USP28: variants seen among roughly 807,000 people sequenced by gnomAD.
The protein encoded by USP28 is ubiquitin specific peptidase 28.
In USP28, 113 loss-of-function variants were observed where a neutral mutation model predicts 145.0. The ratio of observed to expected loss-of-function variants is 0.78; its 90% CI spans 0.67 to 0.91. USP28 has a LOEUF of 0.91. Among genes scored for constraint, USP28 ranks in the 40% least tolerant of loss-of-function variants. The probability of loss-of-function intolerance (pLI) is 0.00; values close to 1 mark genes in which losing one functional copy is unlikely to be tolerated. For missense variants in USP28, 1,201 were observed against 1,289.6 expected, an observed-to-expected ratio of 0.93 and a Z score of 1.05; for synonymous variants, 447 against 450.9, an observed-to-expected ratio of 0.99 and a Z score of 0.11.
intron 3 of USP28, among the ~76,000 whole-genome samples, chr11:113,842,399 C>T (rs1449931156): frequency 6.6e-6 from 1 of 151,826 alleles, no homozygotes; most frequent in East Asian, 1.9e-4. Flanking sequence ...TCCTGGCTAA[C>T]ACGGTGAAAC....
intron 10 of USP28, 73 bp from the exon 11 acceptor site, chr11:113,827,433 A>G: frequency 6.9e-7 from 1 of 1,449,684 alleles, no homozygotes; most frequent in Middle Eastern, 2.3e-4. Flanking sequence ...GATTTAAAAT[A>G]TCTCTCATTA....
chr11:113,804,953 A>G (rs1394358563), exon 20 of USP28: 1 of 1,614,190 alleles, frequency 6.2e-7, no homozygotes, highest in African/African-American at 1.3e-5. Flanking sequence ...TTTTGGAAAA[A>G]GTAGACAAGG....
At chr11:113,824,926 C>G (rs1357012684) in intron 11 of USP28, among the ~76,000 whole-genome samples, 1 of 107,274 alleles carries the variant, frequency 9.3e-6, no homozygotes, top group African/African-American at 3.1e-5. Context: ...AGCGAAACTC[C>G]GTCTTAAAAA....
chr11:113,868,425 T>C (rs1948503430), intron 1 of USP28, among the ~76,000 whole-genome samples: 1 of 152,172 alleles, frequency 6.6e-6, no homozygotes, highest in African/African-American at 2.4e-5. Context: ...ATTAAAATTA[T>C]TAAAGTGCTA....
At chr11:113,873,797 T>C (rs2137284382) in intron 1 of USP28, among the ~76,000 whole-genome samples, 1 of 152,322 alleles carries the variant, frequency 6.6e-6, no homozygotes, top group East Asian at 1.9e-4. Flanking sequence ...TGCATGATAC[T>C]TTCGTTTCGG....
intron 15 of USP28, 117 bp downstream of exon 15, chr11:113,813,762 CTTAAGT>C (rs902211049): frequency 6.6e-5 from 51 of 767,778 alleles, no homozygotes; most frequent in Admixed American, 2.4e-4. Flanking sequence ...CAATTTATAT[CTTAAGT>C]TTATTCTTTT....
At chr11:113,837,942 C>A (rs1037500657) in intron 5 of USP28, among the ~76,000 whole-genome samples, 2 of 152,106 alleles carry the variant, frequency 1.3e-5, no homozygotes, top group African/African-American at 2.4e-5. Flanking sequence ...CCTTTAAAAT[C>A]TGACTCTGTC....
intron 9 of USP28, among the ~76,000 whole-genome samples, chr11:113,830,542 GA>G (rs1943866865): frequency 6.6e-6 from 1 of 152,160 alleles, no homozygotes; most frequent in African/African-American, 2.4e-5. Context: ...AAAACCTTTT[GA>G]GATTAAGTAT....
intron 3 of USP28, among the ~76,000 whole-genome samples, chr11:113,849,083 C>T (rs1194456038): frequency 6.6e-6 from 1 of 152,214 alleles, no homozygotes; most frequent in Non-Finnish European, 1.5e-5. Context: ...AGAAACACTT[C>T]AGTGAGGATG....
chr11:113,825,901 TTGACTG>T (rs1195174320), intron 11 of USP28, among the ~76,000 whole-genome samples: 2 of 152,220 alleles, frequency 1.3e-5, no homozygotes, highest in Non-Finnish European at 2.9e-5. Context: ...GCCCTACATA[TTGACTG>T]TGATGGTAGT....
chr11:113,860,818 C>G (rs970283604), intron 1 of USP28, among the ~76,000 whole-genome samples: 3 of 138,772 alleles, frequency 2.2e-5, no homozygotes, highest in African/African-American at 8.1e-5. Context: ...GACTGTGTCT[C>G]GAAAAAAAAA....
intron 3 of USP28, among the ~76,000 whole-genome samples, chr11:113,845,264 C>T (rs1945693664): frequency 1.3e-5 from 2 of 151,676 alleles, no homozygotes; most frequent in South Asian, 4.2e-4. Context: ...CATGGTGAAA[C>T]ACCGTCTCTA....
chr11:113,868,615 T>A (rs1948519500), intron 1 of USP28, among the ~76,000 whole-genome samples: 1 of 152,004 alleles, frequency 6.6e-6, no homozygotes, highest in Admixed American at 6.6e-5. Context: ...CAGTTTAAAA[T>A]CTCATACGAA....
intron 12 of USP28, among the ~76,000 whole-genome samples, chr11:113,822,909 T>C (rs1244754730): frequency 1.3e-5 from 2 of 152,150 alleles, no homozygotes; most frequent in Non-Finnish European, 2.9e-5. Flanking sequence ...GGGAAATTAA[T>C]GGCCTAATAA....
At chr11:113,818,882 C>CAAA (rs532395394) in intron 12 of USP28, among the ~76,000 whole-genome samples, 2 of 134,486 alleles carry the variant, frequency 1.5e-5, no homozygotes, top group East Asian at 2.2e-4. Context: ...AACAAAACAC[C>CAAA]AAAAAAAAAA....
intron 3 of USP28, among the ~76,000 whole-genome samples, chr11:113,847,781 G>T (rs1312485908): frequency 6.6e-6 from 1 of 152,136 alleles, no homozygotes; most frequent in African/African-American, 2.4e-5. Flanking sequence ...ACTGAAAATG[G>T]ATACTCAGTG....
chr11:113,864,323 G>A (rs1192243723), intron 1 of USP28, among the ~76,000 whole-genome samples: 1 of 152,176 alleles, frequency 6.6e-6, no homozygotes, highest in Non-Finnish European at 1.5e-5. Context: ...CTGGAAAACT[G>A]TACTAGTCAG....
At chr11:113,832,412 A>G (rs1293895140) in intron 7 of USP28, among the ~76,000 whole-genome samples, 1 of 152,176 alleles carries the variant, frequency 6.6e-6, no homozygotes, top group Non-Finnish European at 1.5e-5. Flanking sequence ...CACAGCCTGA[A>G]AGCGTTTATT....
chr11:113,817,685 G>A lies in USP28; in HGVS notation c.1436C>T (p.Ser479Leu), dbSNP rs11214733. 5,757 of 1,613,824 alleles carry A rather than the reference G, an allele frequency of 3.6e-3. 48 individuals are homozygous for A. The highest frequency in any genetic ancestry group is 2.8e-3 in the Non-Finnish European group (3,350 of 1,179,880). ...TTCCTTGGATGTCTGGTCAGAAACC[G>A]AGCAGTGCACTGAAGAAAGTGGTAA... Residue 479 changes from serine (S) to leucine (L), a missense_variant, in exon 13 of 25, where the codon TCG becomes TTG. By Grantham distance (145) the Ser-to-Leu change is moderately radical. Coordinates refer to ENST00000003302, the Ensembl canonical transcript of USP28.
Sources: gnomAD v4.1 joint callset for allele counts (sites outside exome capture counted in the v4.1 genomes callset) on GRCh38, gnomAD v4.1.1 for gene constraint, MANE v1.5 for transcripts, NCBI Gene and HGNC (gene_info 2026-07-23, HGNC 2026-07-21) for gene names.